The following RMI1 variants were observed in gnomAD, a reference collection of about 807,000 sequenced individuals.
The protein encoded by RMI1 is recQ-mediated genome instability protein 1.
A neutral mutation model predicts 46.7 loss-of-function variants in RMI1; 36 were observed. The observed-to-expected ratio is 0.77, with a 90% CI of 0.59 to 1.02. The LOEUF (loss-of-function observed/expected upper bound fraction) is 1.02. RMI1 is among the 50% of genes least tolerant of loss of function. RMI1 has a pLI of 0.00. For missense variants in RMI1, 676 were observed against 713.7 expected, an observed-to-expected ratio of 0.95 and a Z score of 0.60; for synonymous variants, 250 against 252.9, an observed-to-expected ratio of 0.99 and a Z score of 0.11.
intron 1 of RMI1, among the ~76,000 whole-genome samples, chr9:83,986,421 C>G (rs147951962): frequency 6.1e-4 from 93 of 152,204 alleles, no homozygotes; most frequent in African/African-American, 2.2e-3. Flanking sequence ...AATTGAGGGA[C>G]TGGTTTTACT....
intron 1 of RMI1, among the ~76,000 whole-genome samples, chr9:83,995,072 T>A (rs1422866561): frequency 6.6e-6 from 1 of 152,144 alleles, no homozygotes; most frequent in Non-Finnish European, 1.5e-5. Context: ...AGATCTCGGC[T>A]CACCACAACC....
In RMI1 at chr9:84,001,635, G is replaced by C. The variant is rs1372273068; in HGVS notation, c.649G>C (p.Val217Leu). The change falls in exon 3 of 3, where the codon GTA becomes CTA. Residue 217 changes from valine (V) to leucine (L), a missense_variant. Physicochemically the swap from Val to Leu is conservative, Grantham distance 32. Coordinates refer to ENST00000445877, the MANE Select transcript of RMI1 (RefSeq NM_001358291.2). ...AAGATTAATAGGGGAACCTGATCTT[G>C]TAGTTTCAGTCATACCAAACAATTC... ...LARLIGEPDL[V>L]VSVIPNNSNE... The C allele has an allele frequency of 1.9e-6, 3 of 1,613,924 alleles. No individual in the cohort carries two copies. The highest frequency in any genetic ancestry group is 2.2e-5 in the South Asian group (2 of 91,088).
chr9:83,994,210 T>TA (rs2133118097), intron 1 of RMI1, among the ~76,000 whole-genome samples: 1 of 152,340 alleles, frequency 6.6e-6, no homozygotes, highest in Non-Finnish European at 1.5e-5. Flanking sequence ...CCTTATCTGA[T>TA]ATGTGGTTTG....
chr9:83,981,912 A>T (rs1289582598), intron 1 of RMI1, among the ~76,000 whole-genome samples: 1 of 152,184 alleles, frequency 6.6e-6, no homozygotes, highest in South Asian at 2.1e-4. Context: ...CATGACAAAC[A>T]CCAGTATTTA....
chr9:83,990,449 G>T (rs1368605050), intron 1 of RMI1, among the ~76,000 whole-genome samples: 1 of 151,626 alleles, frequency 6.6e-6, no homozygotes, highest in African/African-American at 2.4e-5. Context: ...GGCGGAGGTT[G>T]CCGTGAGTCG....
chr9:83,997,511 A>T (rs890587684), intron 1 of RMI1, among the ~76,000 whole-genome samples: 2 of 152,002 alleles, frequency 1.3e-5, no homozygotes, highest in Admixed American at 1.3e-4. Flanking sequence ...GGGCTGTGTA[A>T]CAGGGCGGGT....
intron 1 of RMI1, among the ~76,000 whole-genome samples, chr9:83,996,178 G>C (rs898600908): frequency 6.6e-6 from 1 of 152,182 alleles, no homozygotes; most frequent in South Asian, 2.1e-4. Flanking sequence ...CATAGCTCTA[G>C]GTCAGCTGTT....
At chr9:83,984,272 C>CT (rs34730251) in intron 1 of RMI1, among the ~76,000 whole-genome samples, 38,585 of 142,982 alleles carry the variant, frequency 0.27, 5,403 homozygotes, top group African/African-American at 0.33. Context: ...ATGAACATAC[C>CT]TTTTTTTTTT....
At position 84,002,591 on chromosome 9, in the gene RMI1, T is replaced by A; in HGVS notation, c.1605T>A (p.Ser535=). 1.2e-6 allele frequency: 2 copies of A among 1,613,978 alleles called. No homozygotes were observed. The highest frequency in any genetic ancestry group is 1.7e-6 in the Non-Finnish European group (2 of 1,179,910). The change falls in exon 3 of 3, where the codon TCT becomes TCA. Residue 535 remains serine, a synonymous_variant. Coordinates refer to ENST00000445877, the MANE Select transcript of RMI1 (RefSeq NM_001358291.2). ...GGIWSITAKV[S]DGTAYLDVDF... ...TTTGGAGTATAACTGCAAAGGTGTC[T>A]GATGGTACTGCATATCTAGATGTAG...
chr9:83,990,597 A>C (rs1173507063), intron 1 of RMI1, among the ~76,000 whole-genome samples: 2 of 152,158 alleles, frequency 1.3e-5, no homozygotes, highest in African/African-American at 4.8e-5. Flanking sequence ...ATTATTTCAA[A>C]ATAGAAGAGA....
intron 1 of RMI1, among the ~76,000 whole-genome samples, chr9:83,983,875 A>G (rs568440625): frequency 6.6e-6 from 1 of 152,278 alleles, no homozygotes; most frequent in African/African-American, 2.4e-5. Flanking sequence ...TCTTTTTCCC[A>G]ACAAAATGTG....
chr9:83,989,503 AT>A (rs1167724912), intron 1 of RMI1, among the ~76,000 whole-genome samples: 1 of 152,164 alleles, frequency 6.6e-6, no homozygotes, highest in Non-Finnish European at 1.5e-5. Context: ...AAATAATCTG[AT>A]TTTTAAAATG....
intron 1 of RMI1, among the ~76,000 whole-genome samples, chr9:83,993,225 C>T (rs1957599318): frequency 6.6e-6 from 1 of 152,140 alleles, no homozygotes; most frequent in Admixed American, 6.5e-5. Flanking sequence ...ATATTAGGTA[C>T]CTCATGTAAG....
intron 1 of RMI1, among the ~76,000 whole-genome samples, chr9:83,990,510 T>TAA (rs55939734): frequency 1.5e-3 from 209 of 141,088 alleles, no homozygotes; most frequent in Middle Eastern, 7.4e-3. Flanking sequence ...AATGCTGTCT[T>TAA]AAAAAAAAAA....
Position 84,002,257 on chromosome 9 carries a change from A to ATAATAAAAAAATGTT in RMI1, c.1279_1280insAAATGTTTAATAAAA (p.Lys426_Ile427insLysMetPheAsnLys). ...AATAAAGAAAAGAACTTAGAGACAGATAATAAAATAAAACAAACCAGCAGT... is the reference window on the plus strand; with the variant it reads ...AATAAAGAAAAGAACTTAGAGACAGATAATAAAAAAATGTTTAATAAAATAAAACAAACCAGCAGT... On this transcript the variant is annotated inframe_insertion, in exon 3 of 3. Coordinates refer to ENST00000445877, the MANE Select transcript of RMI1 (RefSeq NM_001358291.2). 6.2e-7 allele frequency: 1 copy of ATAATAAAAAAATGTT among 1,606,554 alleles called. No homozygotes were observed.
rs772043839 is a variant in RMI1, at chr9:84,001,336, C to G, written c.350C>G (p.Thr117Arg). The G allele has an allele frequency of 6.2e-7, 1 of 1,614,124 alleles. No homozygotes were observed. Reference sequence around the variant, plus strand: ...AAGAATACAACAAATGATCTAGTTACAGCTGAAGCACAAGTAACCCCAAAA... The same window carrying G: ...AAGAATACAACAAATGATCTAGTTAGAGCTGAAGCACAAGTAACCCCAAAA... ...RGKNTTNDLV[T>R]AEAQVTPKPW... is the part of the protein sequence containing the mutation. Residue 117 changes from threonine (T) to arginine (R), a missense_variant, in exon 3 of 3, where the codon ACA (threonine) becomes AGA (arginine). Thr to Arg is a moderately conservative substitution (Grantham distance 71). Transcript: ENST00000445877.
intron 1 of RMI1, among the ~76,000 whole-genome samples, chr9:83,986,581 T>C (rs1957493272): frequency 6.6e-6 from 1 of 152,232 alleles, no homozygotes; most frequent in East Asian, 1.9e-4. Flanking sequence ...ATGAGAATAC[T>C]CTTTCTATCA....
chr9:83,995,913 A>C (rs925649899), intron 1 of RMI1, among the ~76,000 whole-genome samples: 1 of 151,800 alleles, frequency 6.6e-6, no homozygotes, highest in Non-Finnish European at 1.5e-5. Flanking sequence ...ATTATCTTCT[A>C]TTCTTCTTTT....
At position 83,987,348 on chromosome 9, in the gene RMI1, C is replaced by T. The variant is rs1003453966; in HGVS notation, c.-126+6457C>T. Among the ~76,000 whole-genome samples the T allele has an allele frequency of 1.1e-4, 16 of 152,294 alleles. No individual in the cohort carries two copies. In the East Asian group the frequency reaches 3.1e-3, roughly 29 times the overall value. On this transcript the variant is annotated intron_variant, in intron 1 of 2. Transcript: ENST00000445877. ...GGTTACAGGCGTGAGCCACCGCGTC[C>T]GGCCTGCCTTCTTATTGTTTCTATT... is the stretch of plus-strand genomic sequence containing the variant.
Sources: gnomAD v4.1 joint callset for allele counts (sites outside exome capture counted in the v4.1 genomes callset) on GRCh38, gnomAD v4.1.1 for gene constraint, MANE v1.5 for transcripts, NCBI Gene and HGNC (gene_info 2026-07-23, HGNC 2026-07-21) for gene names.